The following RSPH4A variants were observed in gnomAD, a reference collection of about 807,000 sequenced individuals.
RSPH4A encodes the protein radial spoke head component 4A, also known as radial spoke head protein 4 homolog A.
In RSPH4A, 47 loss-of-function variants were observed where a neutral mutation model predicts 71.0. That is an observed-to-expected ratio of 0.66 (90% CI 0.52 to 0.84). The LOEUF (loss-of-function observed/expected upper bound fraction) is 0.84. Ranked by LOEUF, RSPH4A falls within the 40% of genes least tolerant of loss-of-function variation. RSPH4A has a pLI of 0.00. For missense variants in RSPH4A, 793 were observed against 855.2 expected (o/e 0.93, Z 0.91); for synonymous variants, 282 against 302.3 (o/e 0.93, Z 0.70).
At position 116,617,193 on chromosome 6, in the gene RSPH4A, T is replaced by G; in HGVS notation, c.570T>G (p.Tyr190Ter). 1 of 1,614,192 alleles carries G rather than the reference T, an allele frequency of 6.2e-7. No homozygotes were observed. The highest frequency in any genetic ancestry group is 8.5e-7 in the Non-Finnish European group (1 of 1,180,038). ...VFQEEDSNSD[Y>*]DLQQPAPGGS... ...AGGAGGAAGACTCAAACAGTGACTA[T>G]GATTTACAGCAGCCGGCGCCTGGGG... is the stretch of plus-strand genomic sequence containing the variant. Residue 190 changes from tyrosine to a stop codon, truncating the protein, a stop_gained, in exon 1 of 6, where the codon TAT becomes TAG. Coordinates refer to ENST00000229554, the MANE Select transcript of RSPH4A (RefSeq NM_001010892.3). LOFTEE classifies it high-confidence loss of function.
Position 116,632,505 on chromosome 6 carries a change from A to T in RSPH4A, c.*64A>T. ...CACACACACCCCTTATATGGGACTA[A>T]TTTTACACTTTTCTGTGTTATGTGT... On this transcript the variant is annotated 3_prime_UTR_variant, in exon 6 of 6. Coordinates refer to ENST00000229554, the MANE Select transcript of RSPH4A (RefSeq NM_001010892.3). The T allele has an allele frequency of 1.3e-6, 2 of 1,555,358 alleles. No individual in the cohort carries two copies. The highest frequency in any genetic ancestry group is 1.7e-6 in the Non-Finnish European group (2 of 1,149,022).
rs1775824413 is a variant in RSPH4A, at chr6:116,632,518, CTG to C, written c.*81_*82del. 1 of 1,544,154 alleles carries C rather than the reference CTG, an allele frequency of 6.5e-7. No individual in the cohort carries two copies. The highest frequency in any genetic ancestry group is 2.4e-5 in the East Asian group (1 of 41,134). ...TATATGGGACTAATTTTACACTTTT[CTG>C]TGTTATGTGTGTATATACATACACA... On this transcript the variant is annotated 3_prime_UTR_variant, in exon 6 of 6. Coordinates refer to ENST00000229554, the MANE Select transcript of RSPH4A (RefSeq NM_001010892.3).
At chr6:116,621,810 C>G (rs1214400064) in intron 1 of RSPH4A, among the ~76,000 whole-genome samples, 1 of 152,116 alleles carries the variant, frequency 6.6e-6, no homozygotes, top group Non-Finnish European at 1.5e-5. Flanking sequence ...CGATGCGTAT[C>G]CACCAGAGAA....
Position 116,628,070 on chromosome 6 carries a change from G to T in RSPH4A, c.1363G>T (p.Ala455Ser), listed in dbSNP as rs1172202597. ...AGTTATACCTGCACAAATTGTTATT[G>T]CAAGAAAAATCAAGAAATTTTTCAC... ...PPVIPAQIVI[A>S]RKIKKFFTGR... Residue 455 changes from alanine (A) to serine (S), a missense_variant, in exon 3 of 6, where the codon GCA becomes TCA. Ala to Ser is a moderately conservative substitution (Grantham distance 99). Coordinates refer to ENST00000229554, the MANE Select transcript of RSPH4A (RefSeq NM_001010892.3). 6.2e-7 allele frequency: 1 copy of T among 1,614,154 alleles called. No individual in the cohort carries two copies. Among genetic ancestry groups the T allele is most frequent in the Non-Finnish European group, 8.5e-7 (1 of 1,180,030 alleles).
chr6:116,629,866 T>C (rs1775764838), intron 4 of RSPH4A, among the ~76,000 whole-genome samples, 164 bp downstream of exon 4: 1 of 152,216 alleles, frequency 6.6e-6, no homozygotes, highest in South Asian at 2.1e-4. Flanking sequence ...GTGAAGAATG[T>C]AGCTGGCCAC....
intron 1 of RSPH4A, among the ~76,000 whole-genome samples, chr6:116,617,978 C>T (rs1775539327): frequency 6.6e-6 from 1 of 151,562 alleles, no homozygotes; most frequent in Non-Finnish European, 1.5e-5. Context: ...TAGATTTTTG[C>T]TTCCAGAGTT....
Position 116,628,109 on chromosome 6 carries a change from G to A in RSPH4A, c.1402G>A (p.Ala468Thr), listed in dbSNP as rs771954225. 5 of 1,614,052 alleles carry A rather than the reference G, an allele frequency of 3.1e-6. No homozygotes were observed. The East Asian group carries it at 1.1e-4, about 36-fold the overall frequency. ...IKKFFTGRLD[A>T]PIISYPPFPG... ...GAAATTTTTCACTGGGCGATTGGAT[G>A]CTCCCATCATAAGCTACCCACCTTT... Residue 468 changes from alanine to threonine, a missense_variant, in exon 3 of 6, where the codon GCT becomes ACT. Ala to Thr is a moderately conservative substitution (Grantham distance 58, BLOSUM62 0). Coordinates refer to ENST00000229554, the MANE Select transcript of RSPH4A (RefSeq NM_001010892.3).
chr6:116,627,680 G>T lies in RSPH4A; in HGVS notation c.973G>T (p.Ala325Ser), dbSNP rs771874160. Reference sequence around the variant, plus strand: ...GGAGTCAGCTTTTTATTTTGAACAAGCTGGAGTTGGTTTGGGCACAGATGA... The same window carrying T: ...GGAGTCAGCTTTTTATTTTGAACAATCTGGAGTTGGTTTGGGCACAGATGA... The part of the protein sequence containing the change: ...VMESAFYFEQ[A>S]GVGLGTDETY... Residue 325 changes from alanine to serine, a missense_variant, in exon 3 of 6, where the codon GCT (alanine) becomes TCT (serine). By Grantham distance (99) the Ala-to-Ser change is moderately conservative (BLOSUM62 1). Transcript: ENST00000229554. 3 of 1,614,082 alleles carry T rather than the reference G, an allele frequency of 1.9e-6. No homozygotes were observed. The highest frequency in any genetic ancestry group is 2.7e-5 in the African/African-American group (2 of 74,928).
At chr6:116,628,882 C>A (rs1480886480) in intron 3 of RSPH4A, among the ~76,000 whole-genome samples, 1 of 151,804 alleles carries the variant, frequency 6.6e-6, no homozygotes, top group Non-Finnish European at 1.5e-5. Context: ...TGTGTTTGTG[C>A]GTGTGTACAA....
chr6:116,629,543 A>G, intron 3 of RSPH4A, 24 bp from the exon 4 acceptor site: 1 of 1,611,326 alleles, frequency 6.2e-7, no homozygotes, highest in Non-Finnish European at 8.5e-7. Flanking sequence ...TTAGACTACT[A>G]AATCTTGCAA....
At chr6:116,625,504 C>T (rs1015463924) in intron 2 of RSPH4A, among the ~76,000 whole-genome samples, 25 of 152,102 alleles carry the variant, frequency 1.6e-4, no homozygotes, top group African/African-American at 5.3e-4. Context: ...ATAGCATGGT[C>T]TGACTTTTGG....
At chr6:116,631,757 A>G (rs1583353052) in intron 5 of RSPH4A, among the ~76,000 whole-genome samples, 1 of 152,324 alleles carries the variant, frequency 6.6e-6, no homozygotes, top group South Asian at 2.1e-4. Flanking sequence ...TGTGCCAGGT[A>G]AACTCTTTGT....
intron 2 of RSPH4A, among the ~76,000 whole-genome samples, chr6:116,626,750 A>G (rs1262649987): frequency 2.0e-5 from 3 of 152,176 alleles, no homozygotes; most frequent in Non-Finnish European, 4.4e-5. Context: ...AAAATAATTT[A>G]TTATAAGTAG....
At chr6:116,631,303 G>A (rs1775800722) in intron 5 of RSPH4A, among the ~76,000 whole-genome samples, 1 of 152,148 alleles carries the variant, frequency 6.6e-6, no homozygotes, top group Non-Finnish European at 1.5e-5. Context: ...AAAGCAACAA[G>A]CTAAAAATGA....
intron 2 of RSPH4A, among the ~76,000 whole-genome samples, chr6:116,626,100 G>T (rs1237598724): frequency 6.6e-6 from 1 of 152,140 alleles, no homozygotes; most frequent in South Asian, 2.1e-4. Context: ...AGTTCTAGAG[G>T]GCCAAGTGGG....
rs1775515969 is a variant in RSPH4A, at chr6:116,616,944, A to G, written c.321A>G (p.Pro107=). 1 of 1,614,098 alleles carries G rather than the reference A, an allele frequency of 6.2e-7. No homozygotes were observed. The change falls in exon 1 of 6, where the codon CCA becomes CCG. Residue 107 remains proline, a synonymous_variant. Coordinates refer to ENST00000229554, the MANE Select transcript of RSPH4A (RefSeq NM_001010892.3). ...CGGCCAGACAAGACCTCGCGGCACC[A>G]CCTCAGTCGGACAGGACCACGAGTG... is the stretch of plus-strand genomic sequence containing the variant. ...LAPARQDLAA[P]PQSDRTTSVI... is the part of the protein sequence containing the mutation.
chr6:116,629,025 G>A (rs960793343), intron 3 of RSPH4A, among the ~76,000 whole-genome samples: 1 of 152,180 alleles, frequency 6.6e-6, no homozygotes, highest in Admixed American at 6.5e-5. Context: ...ATGTGAGGCT[G>A]CACAGAGTGG....
At position 116,616,844 on chromosome 6, in the gene RSPH4A, C is replaced by T. The variant is rs1334282819; in HGVS notation, c.221C>T (p.Pro74Leu). 2 of 1,614,090 alleles carry T rather than the reference C, an allele frequency of 1.2e-6. No individual in the cohort carries two copies. The highest frequency in any genetic ancestry group is 1.7e-6 in the Non-Finnish European group (2 of 1,179,982). The change falls in exon 1 of 6, where the codon CCC becomes CTC. Residue 74 changes from proline to leucine, a missense_variant. Pro to Leu is a moderately conservative substitution (Grantham distance 98). Coordinates refer to ENST00000229554, the MANE Select transcript of RSPH4A (RefSeq NM_001010892.3). ...AGAGCCAAGACGCCTCTGGGTGGCCCCGCGGGACCAGAAACATCATCACCT... is the reference window on the plus strand; with the variant it reads ...AGAGCCAAGACGCCTCTGGGTGGCCTCGCGGGACCAGAAACATCATCACCT... ...QSRAKTPLGG[P>L]AGPETSSPAP...
rs1775763354 is a variant in RSPH4A at position 116,629,814 on chromosome 6, A to G, written c.1798+112A>G. On this transcript the variant is annotated intron_variant, in intron 4 of 5. Coordinates refer to ENST00000229554, the MANE Select transcript of RSPH4A (RefSeq NM_001010892.3). ...AGCTCTAAAAACTGGACAGGAGCCA[A>G]GGTCTCATCCTCTTCCCATTCATGT... 6.2e-6 allele frequency: 6 copies of G among 964,452 alleles called. No homozygotes were observed. The South Asian group carries it at 8.2e-5, about 13-fold the overall frequency. The allele number at this position is 964,452 out of a possible 1,614,324, so 59.7% of individuals were successfully genotyped here. A position where few individuals can be genotyped will look rare whatever the true frequency, so the allele number is the denominator to read the frequency against.
Sources: allele counts gnomAD v4.1 joint callset (sites outside exome capture counted in the v4.1 genomes callset), GRCh38; gene constraint gnomAD v4.1.1; transcripts MANE v1.5; gene names NCBI Gene and HGNC (gene_info 2026-07-23, HGNC 2026-07-21).